The following GARIN1A variants were observed in gnomAD, a reference collection of about 807,000 sequenced individuals.
The protein encoded by GARIN1A is Golgi-associated RAB2 interactor protein 1A.
chr7:128,688,232 G>A, the GARIN1A span, among the ~76,000 whole-genome samples: 9 of 152,046 alleles, frequency 5.9e-5, no homozygotes, highest in Admixed American at 1.3e-4. Flanking sequence ...GGATGGTCTC[G>A]ATCTCCTGAC....
chr7:128,689,152 A>G, the GARIN1A span, among the ~76,000 whole-genome samples: 2 of 151,890 alleles, frequency 1.3e-5, no homozygotes, highest in Non-Finnish European at 2.9e-5. Flanking sequence ...GGCTCGCTAC[A>G]ACCTCCACCT....
the GARIN1A span, among the ~76,000 whole-genome samples, chr7:128,695,265 A>T: frequency 6.6e-6 from 1 of 152,136 alleles, no homozygotes; most frequent in African/African-American, 2.4e-5. The surrounding 1 kb of genome is among the most constrained non-coding windows in gnomAD (Gnocchi z 4.5). Context: ...GACTGTATCA[A>T]GGGAGGCGCA....
At chr7:128,686,217 T>TA in the GARIN1A span, 1 of 151,642 alleles carries the variant, frequency 6.6e-6, no homozygotes, top group East Asian at 2.0e-4. Flanking sequence ...CGTCTCAAAA[T>TA]AAAATAAAGT....
chr7:128,706,485 A>ATC, the GARIN1A span, among the ~76,000 whole-genome samples: 5 of 149,290 alleles, frequency 3.3e-5, no homozygotes, highest in Admixed American at 6.7e-5. Context: ...ATATATCTCC[A>ATC]TCTCTCTCTC....
chr7:128,672,210 A>G, the GARIN1A span: 8 of 523,654 alleles, frequency 1.5e-5, no homozygotes, highest in South Asian at 3.0e-5. Context: ...TGTTGTCACC[A>G]TCACATTCCT....
At chr7:128,683,057 A>G in the GARIN1A span, 1 of 1,611,556 alleles carries the variant, frequency 6.2e-7, no homozygotes, top group Non-Finnish European at 8.5e-7. Context: ...TACCCATGAG[A>G]GCTGCCTTGA....
At chr7:128,674,456 ATTAG>A in the GARIN1A span, among the ~76,000 whole-genome samples, 2 of 152,088 alleles carry the variant, frequency 1.3e-5, no homozygotes, top group Non-Finnish European at 2.9e-5. Context: ...CAACCCACAT[ATTAG>A]TTATAGTTAT....
chr7:128,684,669 G>T, the GARIN1A span: 2 of 150,008 alleles, frequency 1.3e-5, no homozygotes, highest in Admixed American at 1.3e-4. Flanking sequence ...CCCTGTGTTA[G>T]TGTAAAGCTA....
At chr7:128,677,546 T>G in the GARIN1A span, 1 of 1,541,136 alleles carries the variant, frequency 6.5e-7, no homozygotes, top group South Asian at 1.2e-5. Flanking sequence ...CCCATGGAAA[T>G]GTCCTGATTA....
the GARIN1A span, among the ~76,000 whole-genome samples, chr7:128,672,848 C>G: frequency 6.6e-6 from 1 of 152,194 alleles, no homozygotes; most frequent in Admixed American, 6.5e-5. Flanking sequence ...TTCTGGGCCA[C>G]TTGTCCAAAG....
At chr7:128,705,108 G>C in the GARIN1A span, among the ~76,000 whole-genome samples, 2 of 152,176 alleles carry the variant, frequency 1.3e-5, no homozygotes, top group African/African-American at 4.8e-5. Flanking sequence ...TCCACTGTGC[G>C]GATGTAACGC....
chr7:128,701,474 G>A, the GARIN1A span, among the ~76,000 whole-genome samples: 2 of 145,994 alleles, frequency 1.4e-5, no homozygotes, highest in Non-Finnish European at 3.0e-5. Context: ...GGGAAGGGAA[G>A]GGGGTCTTAT....
At chr7:128,707,943 CTCCCT>C in the GARIN1A span, among the ~76,000 whole-genome samples, 2 of 150,556 alleles carry the variant, frequency 1.3e-5, no homozygotes, top group Non-Finnish European at 3.0e-5. Flanking sequence ...CCCTTCCCTT[CTCCCT>C]TCCTTACTTC....
the GARIN1A span, among the ~76,000 whole-genome samples, chr7:128,707,164 C>T: frequency 6.6e-6 from 1 of 151,634 alleles, no homozygotes; most frequent in Non-Finnish European, 1.5e-5. Flanking sequence ...CATAGACATA[C>T]CCATCACCTC....
chr7:128,708,022 CT>C, the GARIN1A span, among the ~76,000 whole-genome samples: 1 of 140,224 alleles, frequency 7.1e-6, no homozygotes, highest in Admixed American at 7.4e-5. Context: ...CTTTTGTTTT[CT>C]TTTATTTCCC....
chr7:128,681,769 C>T, the GARIN1A span, among the ~76,000 whole-genome samples: 21 of 151,956 alleles, frequency 1.4e-4, 1 homozygote, highest in East Asian at 1.9e-3. Context: ...TCCTAAAGTG[C>T]TGGGATTACA....
At chr7:128,685,123 T>G in the GARIN1A span, 2 of 152,078 alleles carry the variant, frequency 1.3e-5, no homozygotes, top group Admixed American at 1.3e-4. Flanking sequence ...CTGGTTTTGA[T>G]CTCCTGACCT....
At chr7:128,676,100 A>G in the GARIN1A span, among the ~76,000 whole-genome samples, 1 of 150,532 alleles carries the variant, frequency 6.6e-6, no homozygotes, top group African/African-American at 2.4e-5. Context: ...GCTCACTGCA[A>G]GCCCCGCCTC....
chr7:128,680,478 C>T, the GARIN1A span, among the ~76,000 whole-genome samples: 1 of 152,122 alleles, frequency 6.6e-6, no homozygotes, highest in Non-Finnish European at 1.5e-5. Context: ...CCAATCCAAG[C>T]TCACAAGGAT....
Sources: gnomAD v4.1 joint callset for allele counts (sites outside exome capture counted in the v4.1 genomes callset) on GRCh38, gnomAD v4.1.1 for gene constraint, Gnocchi (gnomAD v3.1) non-coding constraint, MANE v1.5 for transcripts, NCBI Gene and HGNC (gene_info 2026-07-23, HGNC 2026-07-21) for gene names.